DOCK9: variants seen among roughly 807,000 people sequenced by gnomAD.
The protein encoded by DOCK9 is dedicator of cytokinesis protein 9.
A neutral mutation model predicts 263.3 loss-of-function variants in DOCK9; 89 were observed. That is an observed-to-expected ratio of 0.34 (90% CI 0.28 to 0.40). The LOEUF is 0.40. DOCK9 is among the 10% of genes least tolerant of loss of function. The pLI, the probability that DOCK9 is intolerant of heterozygous loss-of-function variation, is 1.00. For missense variants in DOCK9, 2,140 were observed against 2,603.4 expected, an observed-to-expected ratio of 0.82 and a Z score of 3.87; for synonymous variants, 976 against 973.1, an observed-to-expected ratio of 1.00 and a Z score of -0.06.
chr13:98,926,840 C>T (rs1409562899), intron 3 of DOCK9, among the ~76,000 whole-genome samples: 1 of 152,202 alleles, frequency 6.6e-6, no homozygotes, highest in Admixed American at 6.5e-5. Context: ...TGTATTTATG[C>T]CTTATCTAGT....
chr13:98,975,466 AACACATACACACACACACAC>A (rs892345299), intron 1 of DOCK9, among the ~76,000 whole-genome samples: 1 of 98,300 alleles, frequency 1.0e-5, no homozygotes, highest in African/African-American at 3.5e-5. Flanking sequence ...ATATTCTCTA[AACACATACACACACACACAC>A]ACACACACAC....
intron 2 of DOCK9, among the ~76,000 whole-genome samples, chr13:98,940,213 C>G (rs912567205): frequency 3.9e-5 from 6 of 152,164 alleles, no homozygotes; most frequent in African/African-American, 1.4e-4. Flanking sequence ...CTATTAACAT[C>G]AGACAAATTC....
At chr13:98,802,502 T>C (rs2090231427) in intron 49 of DOCK9, among the ~76,000 whole-genome samples, 1 of 152,054 alleles carries the variant, frequency 6.6e-6, no homozygotes, top group African/African-American at 2.4e-5. Flanking sequence ...GAATAGAAAG[T>C]GGAGGGCCGG....
At chr13:98,824,295 A>G in intron 45 of DOCK9, 103 bp downstream of exon 45, 2 of 919,224 alleles carry the variant, frequency 2.2e-6, no homozygotes, top group South Asian at 2.9e-5. Context: ...TATAAGTAGC[A>G]GCTACAGGGA....
At chr13:98,921,816 C>T (rs147663748) in intron 6 of DOCK9, among the ~76,000 whole-genome samples, 2 of 152,162 alleles carry the variant, frequency 1.3e-5, no homozygotes, top group South Asian at 4.1e-4. Flanking sequence ...GTGTCTGCAC[C>T]TTCACACCAG....
At chr13:99,077,898 C>T (rs1015981172) in intron 1 of DOCK9, among the ~76,000 whole-genome samples, 1 of 152,158 alleles carries the variant, frequency 6.6e-6, no homozygotes, top group African/African-American at 2.4e-5. Flanking sequence ...CTGTTCTAAG[C>T]CACTGAGATC....
chr13:98,884,879 A>G, intron 21 of DOCK9, 92 bp downstream of exon 21: 2 of 1,396,712 alleles, frequency 1.4e-6, no homozygotes, highest in Non-Finnish European at 1.9e-6. Flanking sequence ...GAGCAAAAAT[A>G]CTGTTTGCTT....
chr13:99,028,009 C>T (rs1208581652), intron 1 of DOCK9, among the ~76,000 whole-genome samples: 1 of 152,190 alleles, frequency 6.6e-6, no homozygotes, highest in Non-Finnish European at 1.5e-5. Flanking sequence ...CACCTGTCTC[C>T]CCAAAGTAAG....
intron 2 of DOCK9, among the ~76,000 whole-genome samples, chr13:98,930,896 G>A (rs2053813880): frequency 6.6e-6 from 1 of 152,122 alleles, no homozygotes; most frequent in Non-Finnish European, 1.5e-5. Context: ...CACCCGCCTC[G>A]GCCTCCCAAA....
chr13:98,963,669 A>G (rs2058902509), intron 1 of DOCK9, among the ~76,000 whole-genome samples: 1 of 152,224 alleles, frequency 6.6e-6, no homozygotes, highest in South Asian at 2.1e-4. Context: ...CTGCTTATAA[A>G]GAATTTAGGA....
rs370566964 is a variant in DOCK9 at position 98,824,461 on chromosome 13, T to C, written c.5067A>G (p.Pro1689=). 6.3e-5 allele frequency: 101 copies of C among 1,613,830 alleles called. No homozygotes were observed. The highest frequency in any genetic ancestry group is 8.2e-5 in the Non-Finnish European group (97 of 1,179,836). ...TCATGGAGGCCTCCTCGTCGATGTT[T>C]GGGGTAATGACCCTGAAGGCGGTGC... ...QGCTAFRVIT[P]NIDEEASMME... Residue 1689 remains proline (P), a synonymous_variant, in exon 45 of 53, where the codon CCA becomes CCG. Transcript: ENST00000682017.
At position 98,922,124 on chromosome 13, in the gene DOCK9, T is replaced by C; in HGVS notation, c.509A>G (p.Gln170Arg). The change falls in exon 6 of 53, where the codon CAG (glutamine) becomes CGG (arginine). Residue 170 changes from glutamine to arginine, a missense_variant. Transcript: ENST00000682017. ...GCCATGCTTGGTGATCCCACCCTTC[T>C]GGGAACCAAGGGAGGCAGCATCCTA... ...KDEDAASLGS[Q>R]KGGITKHGWL... is the part of the protein sequence containing the mutation. The C allele has an allele frequency of 1.3e-6, 2 of 1,598,644 alleles. No individual in the cohort carries two copies. Among genetic ancestry groups the C allele is most frequent in the Non-Finnish European group, 1.7e-6 (2 of 1,172,828 alleles).
rs749743956 is a variant in DOCK9, at chr13:98,880,595, C to T, written c.2823G>A (p.Thr941=). 49 of 1,613,894 alleles carry T rather than the reference C, an allele frequency of 3.0e-5. 1 individual carries two copies. The East Asian group carries it at 4.2e-4, about 14-fold the overall frequency. ...VHEELTKSMT[T]ILKPSADFLT... is the part of the protein sequence containing the mutation. ...GGAAATCGGCAGAAGGCTTGAGAAT[C>T]GTGGTCATGGATTTGGTCAGTTCTT... The change falls in exon 26 of 53, where the codon ACG becomes ACA. Residue 941 remains threonine, a synonymous_variant. Transcript: ENST00000682017.
chr13:99,079,276 A>C (rs1273013409), intron 1 of DOCK9, among the ~76,000 whole-genome samples: 1 of 152,212 alleles, frequency 6.6e-6, no homozygotes, highest in Non-Finnish European at 1.5e-5. Flanking sequence ...ACAGAGACAG[A>C]CATTTAGTGT....
At position 98,810,234 on chromosome 13, in the gene DOCK9, A is replaced by G. The variant is rs754715980; in HGVS notation, c.5188T>C (p.Tyr1730His). The change falls in exon 46 of 53, where the codon TAC becomes CAC. Residue 1730 changes from tyrosine to histidine, a missense_variant. Coordinates refer to ENST00000682017, the MANE Select transcript of DOCK9 (RefSeq NM_001366683.2). ...CADGLWKAER[Y>H]ELIADIYKLI... ...TTGTAGATGTCGGCGATGAGCTCGT[A>G]GCGCTCGGCTTTCCAGAGTCCATCT... 2 of 1,612,952 alleles carry G rather than the reference A, an allele frequency of 1.2e-6. No homozygotes were observed. Among genetic ancestry groups the G allele is most frequent in the Admixed American group, 3.3e-5 (2 of 59,924 alleles).
intron 1 of DOCK9, among the ~76,000 whole-genome samples, chr13:98,962,827 A>ACT (rs1177447697): frequency 6.6e-6 from 1 of 152,094 alleles, no homozygotes; most frequent in African/African-American, 2.4e-5. Flanking sequence ...CGTAGATGGG[A>ACT]CTGAGTATTG....
intron 1 of DOCK9, among the ~76,000 whole-genome samples, chr13:99,072,308 C>T (rs760059757): frequency 1.3e-5 from 2 of 152,154 alleles, no homozygotes; most frequent in Non-Finnish European, 2.9e-5. Context: ...CTTAAAGGTC[C>T]TTATGGCCCC....
chr13:98,821,493 A>C (rs2140575808), intron 45 of DOCK9, among the ~76,000 whole-genome samples: 1 of 152,244 alleles, frequency 6.6e-6, no homozygotes, highest in Non-Finnish European at 1.5e-5. Flanking sequence ...TTCCTTTCTT[A>C]GACTTTCTTC....
chr13:98,794,578 GT>G lies in DOCK9; in HGVS notation c.*47del. ...TGATTGGCTTTGGAAAGCATCCTGA[GT>G]TTGCAAATGACAAAGCAAGTCCCCA... On this transcript the variant is annotated 3_prime_UTR_variant, in exon 53 of 53. Coordinates refer to ENST00000682017, the MANE Select transcript of DOCK9 (RefSeq NM_001366683.2). The G allele has an allele frequency of 6.5e-7, 1 of 1,546,758 alleles. No homozygotes were observed. The highest frequency in any genetic ancestry group is 8.7e-7 in the Non-Finnish European group (1 of 1,143,542).
Sources: allele counts gnomAD v4.1 joint callset (sites outside exome capture counted in the v4.1 genomes callset), GRCh38; gene constraint gnomAD v4.1.1; transcripts MANE v1.5; gene names NCBI Gene and HGNC (gene_info 2026-07-23, HGNC 2026-07-21).